Variants in MACROD2 observed in about 807,000 individuals in gnomAD.
The protein encoded by MACROD2 is ADP-ribose glycohydrolase MACROD2.
Under a neutral mutation model 70.4 loss-of-function variants are expected in MACROD2, and 36 were observed. The observed-to-expected ratio is 0.51, with a 90% CI of 0.39 to 0.68. The LOEUF is 0.68. MACROD2 is among the 30% of genes least tolerant of loss of function. MACROD2 has a pLI of 0.00. For missense variants in MACROD2, 496 were observed against 538.4 expected, an observed-to-expected ratio of 0.92 and a Z score of 0.78; for synonymous variants, 172 against 178.8, an observed-to-expected ratio of 0.96 and a Z score of 0.30.
chr20:14,334,188 A>G (rs2082895078), intron 3 of MACROD2, among the ~76,000 whole-genome samples: 1 of 152,230 alleles, frequency 6.6e-6, no homozygotes, highest in Non-Finnish European at 1.5e-5. Context: ...TCGTAAATAG[A>G]TAACTCAAAG....
At chr20:15,146,325 G>A (rs1380864022) in intron 5 of MACROD2, among the ~76,000 whole-genome samples, 1 of 152,106 alleles carries the variant, frequency 6.6e-6, no homozygotes, top group African/African-American at 2.4e-5. Flanking sequence ...TCTGTGTTGA[G>A]TGTTCTGATC....
intron 8 of MACROD2, among the ~76,000 whole-genome samples, chr20:15,556,235 G>A (rs1447053661): frequency 6.6e-6 from 1 of 152,174 alleles, no homozygotes; most frequent in African/African-American, 2.4e-5. Flanking sequence ...TAAACCTTCT[G>A]GCTTCTCAGA....
intron 5 of MACROD2, among the ~76,000 whole-genome samples, chr20:15,115,784 G>T (rs1379311548): frequency 1.3e-5 from 2 of 152,068 alleles, no homozygotes; most frequent in East Asian, 3.9e-4. Context: ...TGTATGTAGC[G>T]ATGAAAACAT....
chr20:15,794,970 C>T (rs535202917), intron 8 of MACROD2, among the ~76,000 whole-genome samples: 34 of 152,146 alleles, frequency 2.2e-4, no homozygotes, highest in African/African-American at 8.0e-4. Context: ...CTTTCCTACC[C>T]CCCACCCAAC....
At chr20:14,612,587 C>G (rs756116733) in intron 4 of MACROD2, among the ~76,000 whole-genome samples, 1 of 152,032 alleles carries the variant, frequency 6.6e-6, no homozygotes, top group African/African-American at 2.4e-5. Context: ...AATGTTGCAT[C>G]ATTTCAGTTG....
At chr20:14,464,176 G>A (rs1041239672) in intron 3 of MACROD2, among the ~76,000 whole-genome samples, 10 of 151,898 alleles carry the variant, frequency 6.6e-5, no homozygotes, top group African/African-American at 2.4e-4. Flanking sequence ...GACTTTTTTT[G>A]GTTGGTAAGC....
intron 2 of MACROD2, among the ~76,000 whole-genome samples, chr20:14,013,271 T>C (rs1475816000): frequency 6.9e-6 from 1 of 145,842 alleles, no homozygotes; most frequent in African/African-American, 2.5e-5. Context: ...CAACTGTACT[T>C]TCTTTTTTTT....
chr20:14,891,176 C>G (rs995703434), intron 5 of MACROD2, among the ~76,000 whole-genome samples: 3 of 151,864 alleles, frequency 2.0e-5, no homozygotes, highest in African/African-American at 7.3e-5. Flanking sequence ...TTTTTTTAAA[C>G]TCTTGGAAGA....
At chr20:14,740,158 G>T (rs555282048) in intron 5 of MACROD2, among the ~76,000 whole-genome samples, 89 of 152,112 alleles carry the variant, frequency 5.9e-4, no homozygotes, top group African/African-American at 2.0e-3. Context: ...CTTATTAAAG[G>T]CTTAGAATGG....
chr20:14,469,256 C>G (rs2084497967), intron 3 of MACROD2, among the ~76,000 whole-genome samples: 1 of 152,084 alleles, frequency 6.6e-6, no homozygotes, highest in African/African-American at 2.4e-5. Context: ...AATATTGGCC[C>G]CCACTCTCTT....
intron 5 of MACROD2, among the ~76,000 whole-genome samples, chr20:14,908,752 T>C (rs2073990956): frequency 6.6e-6 from 1 of 151,684 alleles, no homozygotes; most frequent in South Asian, 2.1e-4. Context: ...TTAGGGAAAA[T>C]AGGAATTTAT....
intron 15 of MACROD2, among the ~76,000 whole-genome samples, chr20:15,992,559 A>G (rs944040498): frequency 1.3e-5 from 2 of 152,204 alleles, no homozygotes; most frequent in Non-Finnish European, 2.9e-5. Context: ...GTTAGGGTCA[A>G]TACTTGTAAT....
intron 3 of MACROD2, among the ~76,000 whole-genome samples, chr20:14,334,914 C>T (rs2082909987): frequency 6.6e-6 from 1 of 151,886 alleles, no homozygotes; most frequent in Non-Finnish European, 1.5e-5. Context: ...ATATAGCCCA[C>T]CCACCTTAAA....
intron 8 of MACROD2, among the ~76,000 whole-genome samples, chr20:15,576,329 G>T (rs945829517): frequency 1.3e-5 from 2 of 152,030 alleles, no homozygotes; most frequent in Non-Finnish European, 2.9e-5. Context: ...TTTATATTTT[G>T]AGTTTCAAGG....
At chr20:14,155,046 G>A (rs943255903) in intron 3 of MACROD2, among the ~76,000 whole-genome samples, 11 of 152,144 alleles carry the variant, frequency 7.2e-5, no homozygotes, top group African/African-American at 2.4e-4. Flanking sequence ...TGTGTGTTTC[G>A]TAGTTGAAAT....
chr20:14,011,490 G>A (rs1304754323), intron 2 of MACROD2, among the ~76,000 whole-genome samples: 1 of 151,526 alleles, frequency 6.6e-6, no homozygotes, highest in East Asian at 1.9e-4. Context: ...ACTTTTGTCT[G>A]CGTTAAAAAG....
intron 3 of MACROD2, among the ~76,000 whole-genome samples, chr20:14,350,000 CA>C (rs1251541821): frequency 6.6e-6 from 1 of 151,878 alleles, no homozygotes; most frequent in Non-Finnish European, 1.5e-5. Context: ...CCACCCACCT[CA>C]GCCTCCCAAA....
At chr20:15,686,405 GA>G (rs573068490) in intron 8 of MACROD2, among the ~76,000 whole-genome samples, 13 of 152,200 alleles carry the variant, frequency 8.5e-5, no homozygotes, top group Admixed American at 8.5e-4. Context: ...GCTACTTGGG[GA>G]AGGGAGTTGC....
intron 8 of MACROD2, among the ~76,000 whole-genome samples, chr20:15,547,291 C>G (rs1007992226): frequency 1.3e-5 from 2 of 152,208 alleles, no homozygotes; most frequent in Non-Finnish European, 2.9e-5. Context: ...CTCAGCAGTA[C>G]TAGACAGATG....
Sources: gnomAD v4.1 joint callset for allele counts (sites outside exome capture counted in the v4.1 genomes callset) on GRCh38, gnomAD v4.1.1 for gene constraint, MANE v1.5 for transcripts, NCBI Gene and HGNC (gene_info 2026-07-23, HGNC 2026-07-21) for gene names.